The following ZNF844 variants were observed in gnomAD, a reference collection of about 807,000 sequenced individuals.
The protein encoded by ZNF844 is zinc finger protein 844.
ZNF844 carries 11 observed loss-of-function variants against 11.4 expected under a neutral mutation model. That is an observed-to-expected ratio of 0.97 (90% CI 0.61 to 1.60). The LOEUF (loss-of-function observed/expected upper bound fraction) is 1.60. ZNF844 is among the 40% of genes most tolerant of loss of function. The pLI is 0.00. For synonymous variants in ZNF844, 248 were observed against 260.3 expected (o/e 0.95, Z 0.46); for missense variants, 790 against 796.8 (o/e 0.99, Z 0.10).
At position 12,075,604 on chromosome 19, in the gene ZNF844, G is replaced by C; in HGVS notation, c.484G>C (p.Ala162Pro). 1.2e-6 allele frequency: 2 copies of C among 1,613,666 alleles called. No individual in the cohort carries two copies. The highest frequency in any genetic ancestry group is 3.3e-5 in the Admixed American group (2 of 59,880). Residue 162 changes from alanine (A) to proline (P), a missense_variant, in exon 4 of 4, where the codon GCT (alanine) becomes CCT (proline). Transcript: ENST00000439326. ...CCCCTCCTTTCAAATGCAAGAAAAG[G>C]CTCACACTGGAGAAAAACTCTATGA... ...CHPSFQMQEK[A>P]HTGEKLYDCK...
rs80039955 is a variant in ZNF844, at chr19:12,080,365, A to G, written c.*3244A>G. On this transcript the variant is annotated 3_prime_UTR_variant, in exon 4 of 4. Coordinates refer to ENST00000439326, the MANE Select transcript of ZNF844 (RefSeq NM_001136501.3). Reference sequence around the variant, plus strand: ...CCGTCTCAAAAAAAAAAAAAAAAAAAAGAGAAGTCTGACAGGACAATAAAA... The same window carrying G: ...CCGTCTCAAAAAAAAAAAAAAAAAAGAGAGAAGTCTGACAGGACAATAAAA... 10 of 380,384 alleles carry G rather than the reference A, an allele frequency of 2.6e-5. No individual in the cohort carries two copies. The highest frequency in any genetic ancestry group is 3.9e-5 in the South Asian group (2 of 51,448). The allele number at this position is 380,384 out of a possible 1,614,324, so 23.6% of individuals were successfully genotyped here.
intron 1 of ZNF844, among the ~76,000 whole-genome samples, chr19:12,071,982 G>C (rs1975758198): frequency 6.6e-6 from 1 of 151,430 alleles, no homozygotes; most frequent in South Asian, 2.1e-4. Context: ...CTGCCTCCTG[G>C]GTTCAAGCTG....
intron 1 of ZNF844, among the ~76,000 whole-genome samples, chr19:12,072,539 G>A (rs915367577): frequency 6.6e-6 from 1 of 151,404 alleles, no homozygotes; most frequent in Non-Finnish European, 1.5e-5. Context: ...ATTTCTCAAC[G>A]TTTTTTCCAA....
At chr19:12,065,636 A>G (rs1349416418) in intron 1 of ZNF844, among the ~76,000 whole-genome samples, 2 of 142,844 alleles carry the variant, frequency 1.4e-5, no homozygotes, top group Non-Finnish European at 3.1e-5. Context: ...TTTTCTTACA[A>G]TTTTTTTTTT....
rs1975668889 is a variant in ZNF844 at position 12,064,766 on chromosome 19, C to G, written c.-108C>G. ...CCCTCCCGCCGGGTGAGGTTGGCAC[C>G]CCGTTTTTCCTGCTCTGAGAGGGAC... On this transcript the variant is annotated 5_prime_UTR_variant, in exon 1 of 4. Coordinates refer to ENST00000439326, the MANE Select transcript of ZNF844 (RefSeq NM_001136501.3). 1 of 1,266,972 alleles carries G rather than the reference C, an allele frequency of 7.9e-7. No individual in the cohort carries two copies. Among genetic ancestry groups the G allele is most frequent in the African/African-American group, 1.5e-5 (1 of 65,436 alleles). The allele number at this position is 1,266,972 out of a possible 1,614,324, so 78.5% of individuals were successfully genotyped here.
In ZNF844 at chr19:12,077,865, G is replaced by A. The variant is rs1975849573; in HGVS notation, c.*744G>A. The A allele has an allele frequency of 3.6e-6, 1 of 275,328 alleles. No homozygotes were observed. The highest frequency in any genetic ancestry group is 7.0e-6 in the Non-Finnish European group (1 of 142,296). The allele number at this position is 275,328 out of a possible 1,614,324, so 17.1% of individuals were successfully genotyped here. A position where few individuals can be genotyped will look rare whatever the true frequency, so the allele number is the denominator to read the frequency against. Reference sequence around the variant, plus strand: ...TCTTTTTGAGACAGAGTCTCGCTCTGTCACCCAGGCTGGAGTGCAGTGGCG... The same window carrying A: ...TCTTTTTGAGACAGAGTCTCGCTCTATCACCCAGGCTGGAGTGCAGTGGCG... On this transcript the variant is annotated 3_prime_UTR_variant, in exon 4 of 4. Transcript: ENST00000439326.
chr19:12,069,015 C>T (rs1401312490), intron 1 of ZNF844, among the ~76,000 whole-genome samples: 2 of 152,134 alleles, frequency 1.3e-5, no homozygotes, highest in African/African-American at 4.8e-5. Flanking sequence ...GCCCTTTATT[C>T]TGAGAGAATC....
rs755121836 is a variant in ZNF844 at position 12,076,433 on chromosome 19, T to C, written c.1313T>C (p.Met438Thr). 49 of 1,613,850 alleles carry C rather than the reference T, an allele frequency of 3.0e-5. No homozygotes were observed. Among genetic ancestry groups the C allele is most frequent in the Non-Finnish European group, 4.1e-5 (48 of 1,179,982 alleles). The change falls in exon 4 of 4, where the codon ATG (methionine) becomes ACG (threonine). Residue 438 changes from methionine to threonine, a missense_variant. Physicochemically the swap from Met to Thr is moderately conservative, Grantham distance 81. Coordinates refer to ENST00000439326, the MANE Select transcript of ZNF844 (RefSeq NM_001136501.3). ...PSFLPLPFDI[M>T]KGLTLERNRM... is the part of the protein sequence containing the mutation. ...TTTCTTCCACTTCCTTTCGATATCA[T>C]GAAAGGACTCACACTGGAGAGAAAC...
intron 1 of ZNF844, among the ~76,000 whole-genome samples, chr19:12,065,700 C>T (rs983724443): frequency 2.0e-5 from 3 of 150,192 alleles, no homozygotes; most frequent in Non-Finnish European, 4.4e-5. Context: ...TGCAATGACA[C>T]GATCTGGGCT....
At chr19:12,067,597 A>G (rs1309568682) in intron 1 of ZNF844, among the ~76,000 whole-genome samples, 1 of 119,708 alleles carries the variant, frequency 8.4e-6, no homozygotes, top group African/African-American at 3.3e-5. Flanking sequence ...ACAAGAGTGA[A>G]ACTCTGTCTC....
rs773611171 is a variant in ZNF844 at position 12,077,191 on chromosome 19, T to C, written c.*70T>C. The stretch of plus-strand genomic sequence containing the variant: ...GGTTCCTTTCAGTGTCATAAAAGGA[T>C]TCACACTGGAGAGAAACCCTATGAG... On this transcript the variant is annotated 3_prime_UTR_variant, in exon 4 of 4. Transcript: ENST00000439326. 32 of 1,586,666 alleles carry C rather than the reference T, an allele frequency of 2.0e-5. No individual in the cohort carries two copies. The highest frequency in any genetic ancestry group is 1.7e-4 in the Middle Eastern group (1 of 5,992).
At position 12,075,781 on chromosome 19, in the gene ZNF844, G is replaced by T. The variant is rs763333396; in HGVS notation, c.661G>T (p.Gly221Ter). ...TCTTATACATGAACGAGTTCACACTGGAGAGAAACCATATAAATGTAAACA... is the reference window on the plus strand; with the variant it reads ...TCTTATACATGAACGAGTTCACACTTGAGAGAAACCATATAAATGTAAACA... ...IYLIHERVHT[G>*]EKPYKCKQCG... Residue 221 changes from glycine (G) to a stop codon, truncating the protein, a stop_gained, in exon 4 of 4, where the codon GGA (glycine) becomes TGA (stop). Transcript: ENST00000439326. LOFTEE classifies it low-confidence loss of function (END_TRUNC). 6.2e-7 allele frequency: 1 copy of T among 1,612,656 alleles called. No individual in the cohort carries two copies. The highest frequency in any genetic ancestry group is 1.7e-5 in the Admixed American group (1 of 59,762).
rs895506833 is a variant in ZNF844, at chr19:12,075,844, A to G, written c.724A>G (p.Ile242Val). ...KAFSYSTSLQ[I>V]HERTHTGEKP... ...CTTTAGTTATTCAACTTCCCTTCAAATACATGAAAGAACTCACACTGGAGA... is the reference window on the plus strand; with the variant it reads ...CTTTAGTTATTCAACTTCCCTTCAAGTACATGAAAGAACTCACACTGGAGA... Residue 242 changes from isoleucine to valine, a missense_variant, in exon 4 of 4, where the codon ATA becomes GTA. Coordinates refer to ENST00000439326, the MANE Select transcript of ZNF844 (RefSeq NM_001136501.3). The G allele has an allele frequency of 4.3e-6, 7 of 1,610,882 alleles. No individual in the cohort carries two copies. The highest frequency in any genetic ancestry group is 4.0e-5 in the African/African-American group (3 of 74,762).
At chr19:12,066,249 G>GGCAAA (rs2145540295) in intron 1 of ZNF844, among the ~76,000 whole-genome samples, 1 of 152,036 alleles carries the variant, frequency 6.6e-6, no homozygotes, top group East Asian at 2.0e-4. Flanking sequence ...AGGCAGAATC[G>GGCAAA]GGGAAGAGGT....
At position 12,076,636 on chromosome 19, in the gene ZNF844, G is replaced by A. The variant is rs536817123; in HGVS notation, c.1516G>A (p.Val506Ile). 1.1e-5 allele frequency: 18 copies of A among 1,613,998 alleles called. No homozygotes were observed. In the Admixed American group the frequency reaches 2.7e-4, roughly 24 times the overall value. The stretch of plus-strand genomic sequence containing the variant: ...CACACTGGAGAGAAACCCTATGAGT[G>A]TAAGCAATGTGGGAAAGCCTTCACA... The part of the protein sequence containing the change: ...GLTLERNPMS[V>I]SNVGKPSHLP... Residue 506 changes from valine to isoleucine, a missense_variant, in exon 4 of 4, where the codon GTA becomes ATA. Around this residue, in one of 3 missense-constraint regions of ZNF844, gnomAD observed 657 missense variants for 636.2 expected, o/e 1.03. Transcript: ENST00000439326.
At position 12,080,131 on chromosome 19, in the gene ZNF844, G is replaced by C. The variant is rs1189119642; in HGVS notation, c.*3010G>C. 6.0e-6 allele frequency: 1 copy of C among 166,466 alleles called. No homozygotes were observed. Among genetic ancestry groups the C allele is most frequent in the Non-Finnish European group, 1.3e-5 (1 of 77,242 alleles). 10.3% of individuals were successfully genotyped at this position (166,466 alleles called of 1,614,324 possible). A position where few individuals can be genotyped will look rare whatever the true frequency, so the allele number is the denominator to read the frequency against. The stretch of plus-strand genomic sequence containing the variant: ...TGGGAGGCTGAGGTGGGCGGATCAC[G>C]AGGTCAGGAGATCAAGACCATCCTG... On this transcript the variant is annotated 3_prime_UTR_variant, in exon 4 of 4. Transcript: ENST00000439326.
In ZNF844 at chr19:12,069,575, AT is replaced by A. The variant is rs111579049; in HGVS notation, c.4-4442del. Among the ~76,000 whole-genome samples the A allele has an allele frequency of 9.4e-3, 1,364 of 145,114 alleles. 9 individuals carry two copies. Among genetic ancestry groups the A allele is most frequent in the Middle Eastern group, 0.014 (4 of 276 alleles). ...CATCTCAAAGTTAGCCCAAAAAGGA[AT>A]TTTTTTTTTTTTTACAGAGAGGAGA... On this transcript the variant is annotated intron_variant, in intron 1 of 3. Transcript: ENST00000439326.
chr19:12,076,431 C>A lies in ZNF844; in HGVS notation c.1311C>A (p.Ile437=). The A allele has an allele frequency of 1.9e-6, 3 of 1,613,830 alleles. No homozygotes were observed. The highest frequency in any genetic ancestry group is 1.7e-6 in the Non-Finnish European group (2 of 1,179,880). ...CATTTCTTCCACTTCCTTTCGATATCATGAAAGGACTCACACTGGAGAGAA... is the reference window on the plus strand; with the variant it reads ...CATTTCTTCCACTTCCTTTCGATATAATGAAAGGACTCACACTGGAGAGAA... ...KPSFLPLPFD[I]MKGLTLERNR... is the part of the protein sequence containing the mutation. The change falls in exon 4 of 4, where the codon ATC becomes ATA. Residue 437 remains isoleucine, a synonymous_variant. Coordinates refer to ENST00000439326, the MANE Select transcript of ZNF844 (RefSeq NM_001136501.3).
chr19:12,072,424 G>T (rs1975762023), intron 1 of ZNF844, among the ~76,000 whole-genome samples: 1 of 146,682 alleles, frequency 6.8e-6, no homozygotes, highest in Admixed American at 6.6e-5. Context: ...TGGGTTGCTG[G>T]AAGAAAATTT....
Sources: gnomAD v4.1 joint callset for allele counts (sites outside exome capture counted in the v4.1 genomes callset) on GRCh38, gnomAD v4.1.1 for gene constraint, gnomAD v4.1.1 regional missense constraint, MANE v1.5 for transcripts, NCBI Gene and HGNC (gene_info 2026-07-23, HGNC 2026-07-21) for gene names.